Variants in GSE1 observed in about 807,000 individuals in gnomAD.
GSE1 encodes Gse1 coiled-coil protein.
GSE1 carries 32 observed loss-of-function variants against 112.6 expected under a neutral mutation model. The ratio of observed to expected loss-of-function variants is 0.28; its 90% CI spans 0.21 to 0.38. The LOEUF is 0.38. GSE1 is among the 10% of genes least tolerant of loss of function. The pLI is 1.00. For synonymous variants in GSE1, 1,115 were observed against 735.6 expected, an observed-to-expected ratio of 1.52 and a Z score of -8.35; for missense variants, 2,348 against 1,699.2, an observed-to-expected ratio of 1.38 and a Z score of -6.71.
In GSE1 at chr16:85,419,564, T is replaced by C. The variant is rs1399773943; in HGVS notation, c.2464+61921T>C. On this transcript the variant is annotated intron_variant, in intron 2 of 2. Coordinates refer to the GSE1 transcript ENST00000637419. The surrounding 1 kb of genome is among the most constrained non-coding windows in gnomAD (Gnocchi z 6.5). Reference sequence around the variant, plus strand: ...GAGGCTGCAGTGAGCCATGACTGCATCACTGTACTCCAGCCTGGGCAATAG... The same window carrying C: ...GAGGCTGCAGTGAGCCATGACTGCACCACTGTACTCCAGCCTGGGCAATAG... Among the ~76,000 whole-genome samples, 1 of 150,308 alleles carries C rather than the reference T, an allele frequency of 6.7e-6. No individual in the cohort carries two copies. Among genetic ancestry groups the C allele is most frequent in the Non-Finnish European group, 1.5e-5 (1 of 67,756 alleles).
At chr16:85,521,133 G>C (rs1294549374) in intron 2 of GSE1, among the ~76,000 whole-genome samples, 1 of 151,964 alleles carries the variant, frequency 6.6e-6, no homozygotes, top group Non-Finnish European at 1.5e-5. Flanking sequence ...GTCTTGACTA[G>C]TGCTGGGAGG....
chr16:85,572,264 CACACACCA>C (rs1283971902), intron 1 of GSE1, among the ~76,000 whole-genome samples: 1 of 146,666 alleles, frequency 6.8e-6, no homozygotes, highest in African/African-American at 2.5e-5. Context: ...CACAACCACA[CACACACCA>C]ACACACCACA....
intron 1 of GSE1, among the ~76,000 whole-genome samples, chr16:85,180,322 G>A (rs554431050): frequency 6.6e-6 from 1 of 152,346 alleles, no homozygotes; most frequent in South Asian, 2.1e-4. Context: ...GTGGGCTGGG[G>A]AGAGGAGGCA....
chr16:85,655,870 C>T lies in GSE1; in HGVS notation c.942C>T (p.Ser314=), dbSNP rs1244934085. 1.2e-6 allele frequency: 2 copies of T among 1,608,632 alleles called. No individual in the cohort carries two copies. Among genetic ancestry groups the T allele is most frequent in the African/African-American group, 1.3e-5 (1 of 75,034 alleles). ...VRYPPELSHS[S]LAALHSERMS... ...ACCCTCCCGAGCTCTCCCACTCATCCCTGGCAGCGCTGCACTCGGAGCGCA... is the reference window on the plus strand; with the variant it reads ...ACCCTCCCGAGCTCTCCCACTCATCTCTGGCAGCGCTGCACTCGGAGCGCA... Residue 314 remains serine (S), a synonymous_variant, in exon 6 of 16, where the codon TCC becomes TCT. Coordinates refer to ENST00000253458, the MANE Select transcript of GSE1 (RefSeq NM_014615.5).
chr16:85,470,645 C>A (rs1381491160), intron 2 of GSE1, among the ~76,000 whole-genome samples: 1 of 152,180 alleles, frequency 6.6e-6, no homozygotes, highest in Non-Finnish European at 1.5e-5. Flanking sequence ...TATGGGTGCC[C>A]CGGGAAGGGC....
chr16:85,254,512 T>C (rs1906857439), intron 1 of GSE1, among the ~76,000 whole-genome samples: 1 of 152,052 alleles, frequency 6.6e-6, no homozygotes, highest in Admixed American at 6.6e-5. Context: ...CCCCAGGAGG[T>C]CTGGCAATGA....
intron 1 of GSE1, among the ~76,000 whole-genome samples, chr16:85,630,624 T>C (rs2049464197): frequency 6.6e-6 from 1 of 152,218 alleles, no homozygotes; most frequent in Non-Finnish European, 1.5e-5. Flanking sequence ...GATGAATGTT[T>C]TTAACCATTA....
chr16:85,366,853 A>G (rs1475530377), intron 2 of GSE1, among the ~76,000 whole-genome samples: 1 of 152,270 alleles, frequency 6.6e-6, no homozygotes, highest in Non-Finnish European at 1.5e-5. Context: ...GTTTACCCTA[A>G]ACTGGAATTT....
At chr16:85,353,131 C>T (rs368502949) in intron 1 of GSE1, among the ~76,000 whole-genome samples, 66 of 152,358 alleles carry the variant, frequency 4.3e-4, no homozygotes, top group African/African-American at 1.2e-3. Context: ...TTGGCTAGGA[C>T]GCAGTCTCAG....
intron 1 of GSE1, among the ~76,000 whole-genome samples, chr16:85,248,094 G>A (rs544413685): frequency 1.4e-3 from 209 of 152,322 alleles, no homozygotes; most frequent in African/African-American, 4.9e-3. Flanking sequence ...AGTGGGTGGG[G>A]TGCGTAGAGC....
chr16:85,465,199 G>A (rs2050090070), intron 2 of GSE1, among the ~76,000 whole-genome samples: 1 of 152,238 alleles, frequency 6.6e-6, no homozygotes, highest in South Asian at 2.1e-4. Context: ...CAGCGGTTGG[G>A]TGGGAATCCT....
chr16:85,599,498 G>C (rs2047373118), intron 1 of GSE1, among the ~76,000 whole-genome samples: 1 of 152,244 alleles, frequency 6.6e-6, no homozygotes, highest in African/African-American at 2.4e-5. Flanking sequence ...TTCTTGTGCA[G>C]AGTGAAGTTT....
chr16:85,639,951 A>G (rs1489023192), intron 2 of GSE1, among the ~76,000 whole-genome samples: 1 of 151,964 alleles, frequency 6.6e-6, no homozygotes, highest in Non-Finnish European at 1.5e-5. Context: ...ACCTGGGACC[A>G]GGCACCCCCT....
At chr16:85,598,191 T>TC (rs1555542123) in intron 1 of GSE1, among the ~76,000 whole-genome samples, 10 of 140,922 alleles carry the variant, frequency 7.1e-5, no homozygotes, top group African/African-American at 2.1e-4. Context: ...TTTTTTTTTT[T>TC]CACTTTCTCA....
intron 1 of GSE1, among the ~76,000 whole-genome samples, chr16:85,223,709 A>C (rs908186736): frequency 7.3e-5 from 11 of 151,430 alleles, no homozygotes; most frequent in African/African-American, 2.7e-4. Flanking sequence ...GGTTCAAGCA[A>C]TTCTCCTGCC....
intron 2 of GSE1, among the ~76,000 whole-genome samples, chr16:85,372,954 G>A (rs1485949722): frequency 6.6e-6 from 1 of 152,246 alleles, no homozygotes; most frequent in Non-Finnish European, 1.5e-5. Flanking sequence ...GCAAAGCCAG[G>A]CCATGTGGCA....
At chr16:85,471,304 C>T (rs1001006420) in intron 2 of GSE1, among the ~76,000 whole-genome samples, 24 of 152,186 alleles carry the variant, frequency 1.6e-4, no homozygotes, top group Admixed American at 1.0e-3. Flanking sequence ...GTGAGGATTT[C>T]GTAGCTCCAA....
At chr16:85,484,202 G>A (rs765573103) in intron 2 of GSE1, among the ~76,000 whole-genome samples, 22 of 152,324 alleles carry the variant, frequency 1.4e-4, no homozygotes, top group Non-Finnish European at 2.2e-4. Flanking sequence ...CGGTGAGCAA[G>A]ACGTGGCCAG....
chr16:85,292,761 G>C (rs1002360544), intron 1 of GSE1, among the ~76,000 whole-genome samples: 2 of 152,152 alleles, frequency 1.3e-5, no homozygotes, highest in Admixed American at 6.5e-5. Context: ...CGCCCGGCCA[G>C]AATGAACCAC....
Sources: allele counts gnomAD v4.1 joint callset (sites outside exome capture counted in the v4.1 genomes callset), GRCh38; gene constraint gnomAD v4.1.1; non-coding constraint Gnocchi (gnomAD v3.1); transcripts MANE v1.5; gene names NCBI Gene and HGNC (gene_info 2026-07-23, HGNC 2026-07-21).